Variants in CADM1 observed in about 807,000 individuals in gnomAD.
CADM1 encodes TSLC-1.
Under a neutral mutation model 53.1 loss-of-function variants are expected in CADM1, and 15 were observed. That is an observed-to-expected ratio of 0.28 (90% CI 0.19 to 0.44). The LOEUF (loss-of-function observed/expected upper bound fraction) is 0.44, where lower values mean the gene tolerates loss of function less well. Ranked by LOEUF, CADM1 falls within the 20% of genes least tolerant of loss-of-function variation. The probability of loss-of-function intolerance (pLI) is 1.00; values close to 1 mark genes in which losing one functional copy is unlikely to be tolerated. For synonymous variants in CADM1, 281 were observed against 243.0 expected (o/e 1.16, Z -1.45); for missense variants, 434 against 611.3 (o/e 0.71, Z 3.06).
chr11:115,404,887 G>C lies in CADM1; in HGVS notation c.124+99384C>G, dbSNP rs184916134. On this transcript the variant is annotated intron_variant, in intron 1 of 11. Coordinates refer to ENST00000331581, the MANE Select transcript of CADM1 (RefSeq NM_001301043.2). ...AAAGACAAAACAAAATAATCCAATAGAAAAACAGCAAAGGATTCGGCATTA... is the reference window on the plus strand; with the variant it reads ...AAAGACAAAACAAAATAATCCAATACAAAAACAGCAAAGGATTCGGCATTA... Among the ~76,000 whole-genome samples, 954 of 145,280 alleles carry C rather than the reference G, an allele frequency of 6.6e-3. 13 individuals carry two copies. The highest frequency in any genetic ancestry group is 0.022 in the African/African-American group (885 of 39,664).
chr11:115,442,138 T>C (rs921837690), intron 1 of CADM1, among the ~76,000 whole-genome samples: 19 of 151,754 alleles, frequency 1.3e-4, no homozygotes, highest in African/African-American at 4.6e-4. Context: ...GTCAAGGGCA[T>C]GCACAGTCAA....
At chr11:115,270,251 A>T (rs1943260241) in intron 1 of CADM1, among the ~76,000 whole-genome samples, 1 of 152,196 alleles carries the variant, frequency 6.6e-6, no homozygotes, top group Non-Finnish European at 1.5e-5. Context: ...CATATTTATA[A>T]GTTTTAAGTC....
intron 1 of CADM1, among the ~76,000 whole-genome samples, chr11:115,407,152 C>G (rs1048586218): frequency 6.6e-6 from 1 of 152,098 alleles, no homozygotes; most frequent in African/African-American, 2.4e-5. Flanking sequence ...TCAACATACT[C>G]TAGCCATAGA....
At chr11:115,420,393 T>C (rs572862973) in intron 1 of CADM1, among the ~76,000 whole-genome samples, 1 of 152,150 alleles carries the variant, frequency 6.6e-6, no homozygotes, top group Admixed American at 6.5e-5. Context: ...GGTGTATTGA[T>C]AATTGACTCA....
intron 1 of CADM1, among the ~76,000 whole-genome samples, chr11:115,333,105 C>A (rs1255072991): frequency 6.6e-6 from 1 of 152,098 alleles, no homozygotes; most frequent in African/African-American, 2.4e-5. Flanking sequence ...GCAAATTCCT[C>A]CCCTCTTTTC....
intron 1 of CADM1, among the ~76,000 whole-genome samples, chr11:115,486,627 G>A (rs7924829): frequency 3.9e-5 from 6 of 152,180 alleles, no homozygotes; most frequent in Non-Finnish European, 7.3e-5. Flanking sequence ...TTATAGGCAT[G>A]AGCCATAGTA....
chr11:115,279,581 C>G (rs1381578367), intron 1 of CADM1, among the ~76,000 whole-genome samples: 4 of 152,134 alleles, frequency 2.6e-5, no homozygotes, highest in Non-Finnish European at 5.9e-5. Flanking sequence ...TAGGTGAAAA[C>G]TGAACTCTTC....
chr11:115,382,618 G>A (rs1413755867), intron 1 of CADM1, among the ~76,000 whole-genome samples: 1 of 152,096 alleles, frequency 6.6e-6, no homozygotes, highest in African/African-American at 2.4e-5. Flanking sequence ...ATAGTGGCAT[G>A]TTAGAGATTT....
intron 10 of CADM1, among the ~76,000 whole-genome samples, chr11:115,182,609 G>A (rs562062361): frequency 3.7e-4 from 56 of 152,292 alleles, no homozygotes; most frequent in Non-Finnish European, 7.1e-4. Flanking sequence ...ACCCTGTAAA[G>A]GTTATTGTGT....
chr11:115,363,476 T>C (rs1946081978), intron 1 of CADM1, among the ~76,000 whole-genome samples: 1 of 152,188 alleles, frequency 6.6e-6, no homozygotes, highest in African/African-American at 2.4e-5. Context: ...GATCGATTTG[T>C]TTGTTTGCCC....
Position 115,214,604 on chromosome 11 carries a change from G to A in CADM1, c.994+4C>T, listed in dbSNP as rs755007570. ...GTAGAAGAGCATTTTATCTTCTCACGTACCGTATACATACAGCATATAATC... is the reference window on the plus strand; with the variant it reads ...GTAGAAGAGCATTTTATCTTCTCACATACCGTATACATACAGCATATAATC... On this transcript the variant is annotated splice_donor_region_variant and intron_variant, in intron 7 of 11. Transcript: ENST00000331581. 1.1e-5 allele frequency: 17 copies of A among 1,612,666 alleles called. No homozygotes were observed. Among genetic ancestry groups the A allele is most frequent in the East Asian group, 2.2e-5 (1 of 44,868 alleles).
intron 1 of CADM1, among the ~76,000 whole-genome samples, chr11:115,392,244 A>C (rs898691172): frequency 1.3e-5 from 2 of 152,070 alleles, no homozygotes; most frequent in South Asian, 4.1e-4. Context: ...TATATGTTCT[A>C]TGCAGGGGGA....
At chr11:115,254,845 G>A (rs1425305506) in intron 1 of CADM1, among the ~76,000 whole-genome samples, 1 of 152,178 alleles carries the variant, frequency 6.6e-6, no homozygotes, top group Non-Finnish European at 1.5e-5. Context: ...TGCATGCCAG[G>A]CTAGGGAATT....
At chr11:115,492,354 A>G (rs1385593442) in intron 1 of CADM1, among the ~76,000 whole-genome samples, 3 of 152,214 alleles carry the variant, frequency 2.0e-5, no homozygotes, top group Non-Finnish European at 4.4e-5. Context: ...GGAATGGTAC[A>G]AAAAACATAG....
chr11:115,447,514 T>G (rs1254008105), intron 1 of CADM1, among the ~76,000 whole-genome samples: 1 of 152,190 alleles, frequency 6.6e-6, no homozygotes, highest in Non-Finnish European at 1.5e-5. Context: ...TTCAAATGTT[T>G]TTCCTTTACC....
chr11:115,413,641 G>GTTCTTTT, intron 1 of CADM1, among the ~76,000 whole-genome samples: 1 of 94,268 alleles, frequency 1.1e-5, no homozygotes, highest in Non-Finnish European at 2.7e-5. Flanking sequence ...CTCCAGCTCA[G>GTTCTTTT]TTCTTTTTTT....
intron 1 of CADM1, among the ~76,000 whole-genome samples, chr11:115,302,205 A>AG (rs1215990622): frequency 1.3e-5 from 2 of 152,138 alleles, no homozygotes; most frequent in East Asian, 1.9e-4. Flanking sequence ...AATGAGTATT[A>AG]GGCTTAATAC....
intron 3 of CADM1, among the ~76,000 whole-genome samples, chr11:115,231,849 G>A (rs946955832): frequency 3.9e-5 from 6 of 152,096 alleles, no homozygotes; most frequent in African/African-American, 9.7e-5. Context: ...ATCCGGGCAC[G>A]GCGGCACATG....
chr11:115,359,706 C>T (rs999970346), intron 1 of CADM1, among the ~76,000 whole-genome samples: 2 of 152,132 alleles, frequency 1.3e-5, no homozygotes, highest in Non-Finnish European at 2.9e-5. Context: ...AGATAAAACG[C>T]TCCTGACTCA....
Sources: gnomAD v4.1 joint callset for allele counts (sites outside exome capture counted in the v4.1 genomes callset) on GRCh38, gnomAD v4.1.1 for gene constraint, MANE v1.5 for transcripts, NCBI Gene and HGNC (gene_info 2026-07-23, HGNC 2026-07-21) for gene names.